KIAA1210: variants seen among roughly 807,000 people sequenced by gnomAD.
KIAA1210 encodes acrosomal protein KIAA1210.
In KIAA1210, 48 loss-of-function variants were observed where a neutral mutation model predicts 78.9. That is an observed-to-expected ratio of 0.61 (90% confidence interval 0.48 to 0.77). The LOEUF is 0.77. Ranked by LOEUF, KIAA1210 falls within the 30% of genes least tolerant of loss-of-function variation. The probability of loss-of-function intolerance (pLI) is 0.00; values close to 1 mark genes in which losing one functional copy is unlikely to be tolerated. For missense variants in KIAA1210, 1,108 were observed against 1,100.0 expected (o/e 1.01, Z -0.10); for synonymous variants, 406 against 404.5 (o/e 1.00, Z -0.04).
chrX:119,096,388 G>T, intron 7 of KIAA1210, 106 bp downstream of exon 7: 3 of 734,627 alleles, frequency 4.1e-6, no homozygotes, highest in Non-Finnish European at 3.9e-6. Context: ...CTTACTTAGG[G>T]CATGAGTCTC....
At chrX:119,096,397 T>A in intron 7 of KIAA1210, 97 bp downstream of exon 7, 1 of 817,727 alleles carries the variant, frequency 1.2e-6, no homozygotes, top group Middle Eastern at 3.2e-4. Context: ...GGCATGAGTC[T>A]CCTACACCAT....
Position 119,088,932 on chromosome X carries a change from G to C in KIAA1210, c.1770C>G (p.Ser590Arg). ...CAGGCTTCCTTGAGGACTGAAAAAG[G>C]CTTCTGGGAGGCAGAGTCTTGGCAT... The part of the protein sequence containing the change: ...DVYAKTLPPR[S>R]LFQSSRKPDA... Residue 590 changes from serine to arginine, a missense_variant, in exon 9 of 12, where the codon AGC becomes AGG. This residue lies in a region of KIAA1210 where 672 missense variants were observed against 607.1 expected (regional missense o/e 1.11). Transcript: ENST00000691062. The C allele has an allele frequency of 2.5e-6, 3 of 1,211,090 alleles. No individual in the cohort carries two copies. The highest frequency in any genetic ancestry group is 1.8e-5 in the South Asian group (1 of 56,894).
chrX:119,113,204 G>A (rs1350178713), intron 3 of KIAA1210, among the ~76,000 whole-genome samples: 8 of 110,975 alleles, frequency 7.2e-5, no homozygotes, highest in African/African-American at 2.0e-4. Context: ...AGGGAGGACT[G>A]GTCAATGGGT....
chrX:119,149,277 T>C (rs1038621223), intron 1 of KIAA1210, among the ~76,000 whole-genome samples: 14 of 111,626 alleles, frequency 1.3e-4, no homozygotes, highest in African/African-American at 4.6e-4. Flanking sequence ...TGCTGTTTAC[T>C]GGCCTGGTCA....
intron 3 of KIAA1210, among the ~76,000 whole-genome samples, chrX:119,112,248 A>G: frequency 8.9e-6 from 1 of 111,808 alleles, no homozygotes; most frequent in Middle Eastern, 4.6e-3. Flanking sequence ...GTGAGAATGG[A>G]CTAATACAAA....
Position 119,087,611 on chromosome X carries a change from C to A in KIAA1210, c.3091G>T (p.Glu1031Ter). The change falls in exon 9 of 12, where the codon GAG becomes TAG. Residue 1031 changes from glutamate (E) to a stop codon, truncating the protein, a stop_gained. Coordinates refer to ENST00000691062, the MANE Select transcript of KIAA1210 (RefSeq NM_001394962.1). LOFTEE classifies it high-confidence loss of function. Reference sequence around the variant, plus strand: ...CTGCCCCTCTTAAGAGCAGAGCTCTCTGAAAAGATTTGCTGTGCCATAAAT... The same window carrying A: ...CTGCCCCTCTTAAGAGCAGAGCTCTATGAAAAGATTTGCTGTGCCATAAAT... Reference protein sequence around the residue: ...VKFMAQQIFSESSALKRGSDV... With the variant: ...VKFMAQQIFS 8.3e-6 allele frequency: 10 copies of A among 1,211,063 alleles called. No individual in the cohort carries two copies. Among genetic ancestry groups the A allele is most frequent in the Non-Finnish European group, 1.0e-5 (9 of 895,066 alleles).
chrX:119,114,342 T>A (rs1484228004), intron 3 of KIAA1210, among the ~76,000 whole-genome samples: 1 of 112,004 alleles, frequency 8.9e-6, no homozygotes, highest in African/African-American at 3.2e-5. Context: ...ACTTACCTTT[T>A]CCCTATAAAA....
At chrX:119,091,156 G>A (rs143405394) in intron 8 of KIAA1210, among the ~76,000 whole-genome samples, 174 of 112,422 alleles carry the variant, frequency 1.5e-3, no homozygotes, top group African/African-American at 5.4e-3. Context: ...CGAGGGAAAT[G>A]CAAATTGAAA....
Position 119,080,164 on chromosome X carries a change from A to G in KIAA1210, c.*1165T>C, listed in dbSNP as rs181834280. 1.2e-4 allele frequency: 13 copies of G among 111,985 alleles called. No individual in the cohort carries two copies. The highest frequency in any genetic ancestry group is 3.9e-4 in the African/African-American group (12 of 30,812). The allele number at this position is 111,985 out of a possible 1,213,427, so 9.2% of individuals were successfully genotyped here. A position where few individuals can be genotyped will look rare whatever the true frequency, so the allele number is the denominator to read the frequency against. On this transcript the variant is annotated 3_prime_UTR_variant, in exon 12 of 12. Transcript: ENST00000691062. ...GATTTCTGTGCGATCAGAGAGGGTC[A>G]CAGTAGTATTGGGACAAGAAGCAAA...
At chrX:119,090,106 T>C (rs1927321723) in intron 8 of KIAA1210, among the ~76,000 whole-genome samples, 1 of 110,956 alleles carries the variant, frequency 9.0e-6, no homozygotes, top group Non-Finnish European at 1.9e-5. Flanking sequence ...TTTTACTTTC[T>C]AATTAGCATT....
upstream of KIAA1210, among the ~76,000 whole-genome samples, chrX:119,130,322 T>C (rs1416545828): frequency 3.6e-5 from 4 of 112,552 alleles, no homozygotes; most frequent in Non-Finnish European, 5.6e-5. Flanking sequence ...CCACACAGGT[T>C]GTGCACTTGG....
intron 7 of KIAA1210, among the ~76,000 whole-genome samples, chrX:119,094,595 C>G (rs1927496796): frequency 8.9e-6 from 1 of 112,053 alleles, no homozygotes; most frequent in Admixed American, 9.5e-5. Flanking sequence ...GCTGCGTGAC[C>G]TTGGGCAAGT....
At chrX:119,108,300 T>C (rs1359829007) in intron 5 of KIAA1210, 37 bp downstream of exon 5, 3 of 1,169,396 alleles carry the variant, frequency 2.6e-6, no homozygotes, top group Non-Finnish European at 3.5e-6. Flanking sequence ...TCTTTCTGAC[T>C]CAGCTGCCCA....
At chrX:119,138,211 G>GTTTTTTTTTTTTTTTTTTT (rs759946882) in intron 2 of KIAA1210, among the ~76,000 whole-genome samples, 1 of 47,831 alleles carries the variant, frequency 2.1e-5, no homozygotes, top group Admixed American at 3.3e-4. Context: ...TGGTTTGGTT[G>GTTTTTTTTTTTTTTTTTTT]TTTTTTTTTT....
At chrX:119,136,771 G>T (rs942089983) in intron 2 of KIAA1210, among the ~76,000 whole-genome samples, 1 of 112,335 alleles carries the variant, frequency 8.9e-6, no homozygotes, top group Non-Finnish European at 1.9e-5. Context: ...GGTGACATCT[G>T]AGAATTTAGG....
chrX:119,131,412 T>C (rs1003088856), upstream of KIAA1210, among the ~76,000 whole-genome samples: 5 of 111,500 alleles, frequency 4.5e-5, no homozygotes, highest in Non-Finnish European at 9.4e-5. Context: ...GGGGAGAGGA[T>C]GGGAGGGAGC....
At chrX:119,089,795 T>A (rs1272418945) in intron 8 of KIAA1210, 49 bp from the exon 9 acceptor site, 1 of 1,094,265 alleles carries the variant, frequency 9.1e-7, no homozygotes, top group East Asian at 3.0e-5. Flanking sequence ...GACTTTCACT[T>A]CCTAAAATAA....
chrX:119,141,146 A>G (rs1929042148), intron 2 of KIAA1210, among the ~76,000 whole-genome samples: 1 of 111,490 alleles, frequency 9.0e-6, no homozygotes, highest in Non-Finnish European at 1.9e-5. Flanking sequence ...CCATGGGCTC[A>G]GAAGACTCTC....
rs747962400 is a variant in KIAA1210, at chrX:119,116,611, CCTT to C, written c.112_114del (p.Lys38del). The C allele has an allele frequency of 1.2e-5, 15 of 1,207,787 alleles. No homozygotes were observed. The highest frequency in any genetic ancestry group is 1.5e-5 in the Non-Finnish European group (13 of 892,763). ...TCCTGGGTATCTTCGGCTTCTTTTT[CCTT>C]CTTCTTAACAAAAAAGCTCTTAAGG... is the stretch of plus-strand genomic sequence containing the variant. On this transcript the variant is annotated inframe_deletion, in exon 3 of 12. Transcript: ENST00000691062.
Sources: gnomAD v4.1 joint callset for allele counts (sites outside exome capture counted in the v4.1 genomes callset) on GRCh38, gnomAD v4.1.1 for gene constraint, gnomAD v4.1.1 regional missense constraint, MANE v1.5 for transcripts, NCBI Gene and HGNC (gene_info 2026-07-23, HGNC 2026-07-21) for gene names.